SMARCD1: variants seen among roughly 807,000 people sequenced by gnomAD.
SMARCD1 encodes SWI/SNF related BAF chromatin remodeling complex subunit D1, also known as SWI/SNF-related matrix-associated actin-dependent regulator of chromatin subfamily D member 1.
In SMARCD1, 16 loss-of-function variants were observed where a neutral mutation model predicts 70.8. The observed-to-expected ratio is 0.23, with a 90% CI of 0.15 to 0.34. The LOEUF is 0.34. SMARCD1 is among the 10% of genes least tolerant of loss of function. The pLI, the probability that SMARCD1 is intolerant of heterozygous loss-of-function variation, is 1.00. For missense variants in SMARCD1, 409 were observed against 655.5 expected, an observed-to-expected ratio of 0.62 and a Z score of 4.11; for synonymous variants, 249 against 246.0, an observed-to-expected ratio of 1.01 and a Z score of -0.11.
At position 50,099,264 on chromosome 12, in the gene SMARCD1, AGT is replaced by A. The variant is rs1950919197; in HGVS notation, c.*267_*268del. 1 of 583,610 alleles carries A rather than the reference AGT, an allele frequency of 1.7e-6. No individual in the cohort carries two copies. The highest frequency in any genetic ancestry group is 3.1e-6 in the Non-Finnish European group (1 of 327,822). 36.2% of individuals were successfully genotyped at this position (583,610 alleles called of 1,614,324 possible). On this transcript the variant is annotated 3_prime_UTR_variant, in exon 13 of 13. Coordinates refer to ENST00000394963, the MANE Select transcript of SMARCD1 (RefSeq NM_003076.5). ...CCTGGTCTACATAGGACCTCTAGAT[AGT>A]GTTAGAGAGAGAACATGTAGTGGTA...
At chr12:50,087,256 G>A (rs1950800139) in intron 4 of SMARCD1, 107 bp from the exon 5 acceptor site, 2 of 1,360,806 alleles carry the variant, frequency 1.5e-6, no homozygotes, top group African/African-American at 1.4e-5. Flanking sequence ...GGACTGGGTA[G>A]ACAGTAAGCC....
chr12:50,092,535 T>C (rs1950855603), intron 9 of SMARCD1, among the ~76,000 whole-genome samples: 1 of 151,236 alleles, frequency 6.6e-6, no homozygotes. Context: ...TTTTTTTTTT[T>C]TTTTCTTTTG....
At chr12:50,098,620 G>T in intron 11 of SMARCD1, 94 bp from the exon 12 acceptor site, 1 of 982,216 alleles carries the variant, frequency 1.0e-6, no homozygotes, top group Non-Finnish European at 1.6e-6. Flanking sequence ...AACATTTTGG[G>T]GAAGGATACA....
chr12:50,093,569 G>A (rs1427770783), intron 9 of SMARCD1, among the ~76,000 whole-genome samples: 2 of 151,872 alleles, frequency 1.3e-5, no homozygotes, highest in Admixed American at 6.6e-5. Context: ...CTGCATCCTC[G>A]ACCTCCTGGG....
chr12:50,085,497 C>T lies in SMARCD1; in HGVS notation c.128C>T (p.Ala43Val). The change falls in exon 1 of 13, where the codon GCT becomes GTT. Residue 43 changes from alanine (A) to valine (V), a missense_variant. Coordinates refer to ENST00000394963, the MANE Select transcript of SMARCD1 (RefSeq NM_003076.5). ...TPGPPVRMGP[A>V]PGQGLYRSPM... ...GGGCCTCCTGTGCGAATGGGCCCGGCTCCGGGTCAAGGGCTGTACCGCTCC... is the reference window on the plus strand; with the variant it reads ...GGGCCTCCTGTGCGAATGGGCCCGGTTCCGGGTCAAGGGCTGTACCGCTCC... 8.1e-7 allele frequency: 1 copy of T among 1,239,506 alleles called. No individual in the cohort carries two copies. The highest frequency in any genetic ancestry group is 4.1e-5 in the Admixed American group (1 of 24,640). The allele number at this position is 1,239,506 out of a possible 1,614,324, so 76.8% of individuals were successfully genotyped here.
At chr12:50,098,904 T>G (rs766206099) in intron 12 of SMARCD1, 43 bp from the exon 13 acceptor site, 20 of 1,609,610 alleles carry the variant, frequency 1.2e-5, no homozygotes, top group African/African-American at 2.7e-5. Context: ...TACCAACTTC[T>G]GGTTTGTCTC....
At chr12:50,095,245 C>A (rs1488002068) in intron 10 of SMARCD1, among the ~76,000 whole-genome samples, 1 of 152,144 alleles carries the variant, frequency 6.6e-6, no homozygotes, top group African/African-American at 2.4e-5. Context: ...AGACGCAGTC[C>A]TTGCAAATAA....
intron 5 of SMARCD1, chr12:50,088,139 C>A: frequency 1.5e-6 from 1 of 651,372 alleles, no homozygotes; most frequent in South Asian, 1.7e-5. Flanking sequence ...CTGGTGGTGT[C>A]ATTCTGTCCA....
Position 50,092,235 on chromosome 12 carries a change from C to CTTTTTTTTTTTTTTT in SMARCD1, c.1133+1653_1133+1667dup, listed in dbSNP as rs60619880. 1.6e-3 allele frequency among the ~76,000 whole-genome samples: 148 copies of CTTTTTTTTTTTTTTT among 91,132 alleles called. 1 individual carries two copies. Among genetic ancestry groups the CTTTTTTTTTTTTTTT allele is most frequent in the Non-Finnish European group, 2.1e-3 (104 of 50,306 alleles). The allele number at this position is 91,132 out of a possible 152,430, so 59.8% of individuals were successfully genotyped here. On this transcript the variant is annotated intron_variant, in intron 9 of 12. Transcript: ENST00000394963. ...TTCTTTTCTTTTCTTTTCTTTCTTT[C>CTTTTTTTTTTTTTTT]TTTTTTTTTTTTTTTTTTTTTTGAG...
intron 12 of SMARCD1, 22 bp downstream of exon 12, chr12:50,098,837 G>A (rs1211668232): frequency 6.2e-7 from 1 of 1,610,426 alleles, no homozygotes; most frequent in Non-Finnish European, 8.5e-7. Context: ...GGGTGCACGG[G>A]GGAAATTGAC....
chr12:50,093,195 C>T (rs948975526), intron 9 of SMARCD1, among the ~76,000 whole-genome samples: 4 of 151,756 alleles, frequency 2.6e-5, no homozygotes, highest in African/African-American at 7.3e-5. Context: ...AGAAAGGCTT[C>T]GTTTGTTTAA....
intron 9 of SMARCD1, 75 bp downstream of exon 9, chr12:50,090,665 T>C: frequency 1.8e-6 from 2 of 1,107,184 alleles, no homozygotes; most frequent in South Asian, 2.6e-5. Flanking sequence ...TTGTCAAATT[T>C]TCAGGAATTT....
At chr12:50,085,881 A>G (rs1384283041) in intron 1 of SMARCD1, 2 of 391,282 alleles carry the variant, frequency 5.1e-6, no homozygotes, top group Non-Finnish European at 9.0e-6. Flanking sequence ...GTCAGCTTCT[A>G]AAGAGATAGT....
At chr12:50,094,188 A>G (rs1950871900) in intron 9 of SMARCD1, among the ~76,000 whole-genome samples, 1 of 152,204 alleles carries the variant, frequency 6.6e-6, no homozygotes, top group African/African-American at 2.4e-5. Context: ...AAATAAATCA[A>G]CTTTATTGAA....
At chr12:50,098,666 G>T (rs995101885) in intron 11 of SMARCD1, 48 bp from the exon 12 acceptor site, 1 of 1,464,712 alleles carries the variant, frequency 6.8e-7, no homozygotes, top group Non-Finnish European at 9.6e-7. Flanking sequence ...AAGGAAACAA[G>T]CCTTTTCTCC....
chr12:50,099,019 G>C lies in SMARCD1; in HGVS notation c.*19G>C. 3 of 1,612,488 alleles carry C rather than the reference G, an allele frequency of 1.9e-6. No homozygotes were observed. Among genetic ancestry groups the C allele is most frequent in the Non-Finnish European group, 2.5e-6 (3 of 1,178,568 alleles). ...TACATAGGGCCTCTCCCACAGCCCT[G>C]ATTCGACTGCACCAATTCTTGATTT... On this transcript the variant is annotated 3_prime_UTR_variant, in exon 13 of 13. Coordinates refer to ENST00000394963, the MANE Select transcript of SMARCD1 (RefSeq NM_003076.5).
intron 9 of SMARCD1, among the ~76,000 whole-genome samples, chr12:50,091,706 C>T (rs1190228649): frequency 1.3e-5 from 2 of 151,932 alleles, no homozygotes; most frequent in Admixed American, 6.6e-5. Context: ...CCTCCCACGT[C>T]GCTGGGATTA....
chr12:50,090,153 A>G, intron 7 of SMARCD1, 88 bp from the exon 8 acceptor site: 4 of 1,414,416 alleles, frequency 2.8e-6, no homozygotes, highest in Non-Finnish European at 3.9e-6. Context: ...CAGAAAAAGC[A>G]CTACATTATT....
In SMARCD1 at chr12:50,085,539, C is replaced by T; in HGVS notation, c.170C>T (p.Ala57Val). ...TACCGCTCCCCGATGCCCGGAGCGG[C>T]CTATCCGGTGAGTGGGGCAGGAGGA... ...GLYRSPMPGAAYPRPGMLPGS... is the reference protein window; with the variant it reads ...GLYRSPMPGAVYPRPGMLPGS... Residue 57 changes from alanine to valine, a missense_variant, in exon 1 of 13, where the codon GCC (alanine) becomes GTC (valine). By Grantham distance (64) the Ala-to-Val change is moderately conservative. This residue lies in a region of SMARCD1 where 140 missense variants were observed against 156.9 expected (regional missense o/e 0.89). Transcript: ENST00000394963. 8.1e-7 allele frequency: 1 copy of T among 1,233,768 alleles called. No homozygotes were observed. 76.4% of individuals were successfully genotyped at this position (1,233,768 alleles called of 1,614,324 possible).
Sources: allele counts gnomAD v4.1 joint callset (sites outside exome capture counted in the v4.1 genomes callset), GRCh38; gene constraint gnomAD v4.1.1; regional missense constraint gnomAD v4.1.1; transcripts MANE v1.5; gene names NCBI Gene and HGNC (gene_info 2026-07-23, HGNC 2026-07-21).